Variants in POU4F3 observed in about 807,000 individuals in gnomAD.
The protein encoded by POU4F3 is POU domain, class 4, transcription factor 3.
A neutral mutation model predicts 22.0 loss-of-function variants in POU4F3; 7 were observed. The ratio of observed to expected loss-of-function variants is 0.32; its 90% CI spans 0.18 to 0.60. The LOEUF is 0.60. Ranked by LOEUF, POU4F3 falls within the 20% of genes least tolerant of loss-of-function variation. POU4F3 has a pLI of 0.85. For missense variants in POU4F3, 457 were observed against 467.4 expected (o/e 0.98, Z 0.21); for synonymous variants, 220 against 194.5 (o/e 1.13, Z -1.09).
rs534623118 is a variant in POU4F3, at chr5:146,340,574, TTTC to T, written c.*131_*133del. On this transcript the variant is annotated 3_prime_UTR_variant, in exon 2 of 2. Coordinates refer to ENST00000646991, the MANE Select transcript of POU4F3 (RefSeq NM_002700.3). ...GGCTCTCTCCTCCGAAGCCACAGACTTTCCCCCTTTGTCCCGCCTGGTTGCCTC... is the reference window on the plus strand; with the variant it reads ...GGCTCTCTCCTCCGAAGCCACAGACTCCCCTTTGTCCCGCCTGGTTGCCTC... 1.9e-3 allele frequency: 2,376 copies of T among 1,251,076 alleles called. 4 individuals carry two copies. The highest frequency in any genetic ancestry group is 2.5e-3 in the Non-Finnish European group (2,230 of 886,582). The allele number at this position is 1,251,076 out of a possible 1,614,324, so 77.5% of individuals were successfully genotyped here. A position where few individuals can be genotyped will look rare whatever the true frequency, so the allele number is the denominator to read the frequency against.
rs556832050 is a variant in POU4F3, at chr5:146,339,632, G to C, written c.205G>C (p.Gly69Arg). The part of the protein sequence containing the change: ...ALAAVDIVSH[G>R]KNHPFKPDAT... ...GGCGGCGGTGGATATCGTCTCCCAC[G>C]GCAAGAACCATCCGTTCAAGCCCGA... The change falls in exon 2 of 2, where the codon GGC becomes CGC. Residue 69 changes from glycine to arginine, a missense_variant. By Grantham distance (125) the Gly-to-Arg change is moderately radical (BLOSUM62 -2). Around this residue, in one of 2 missense-constraint regions of POU4F3, gnomAD observed 410 missense variants for 385.0 expected, o/e 1.06. Transcript: ENST00000646991. This position sits in a 1 kb window ranked among gnomAD's most constrained non-coding sequence, Gnocchi z 4.7. 1 of 1,614,026 alleles carries C rather than the reference G, an allele frequency of 6.2e-7. No homozygotes were observed. The highest frequency in any genetic ancestry group is 2.2e-5 in the East Asian group (1 of 44,880).
At position 146,339,939 on chromosome 5, in the gene POU4F3, G is replaced by T; in HGVS notation, c.512G>T (p.Ser171Ile). The change falls in exon 2 of 2, where the codon AGC becomes ATC. Residue 171 changes from serine to isoleucine, a missense_variant. Around this residue, in one of 2 missense-constraint regions of POU4F3, gnomAD observed 410 missense variants for 385.0 expected, o/e 1.06. Transcript: ENST00000646991. The surrounding 1 kb of genome is among the most constrained non-coding windows in gnomAD (Gnocchi z 4.7). The part of the protein sequence containing the change: ...MSHPHTVAPH[S>I]AMPACLSDVE... Reference sequence around the variant, plus strand: ...CACCCGCACACCGTGGCCCCTCATAGCGCCATGCCTGCATGCCTCAGCGAC... The same window carrying T: ...CACCCGCACACCGTGGCCCCTCATATCGCCATGCCTGCATGCCTCAGCGAC... The T allele has an allele frequency of 6.2e-7, 1 of 1,610,838 alleles. No homozygotes were observed.
chr5:146,339,090 G>C lies in POU4F3; in HGVS notation c.-23G>C. 3 of 1,613,674 alleles carry C rather than the reference G, an allele frequency of 1.9e-6. No homozygotes were observed. The highest frequency in any genetic ancestry group is 2.5e-6 in the Non-Finnish European group (3 of 1,179,822). On this transcript the variant is annotated 5_prime_UTR_variant, in exon 1 of 2. Transcript: ENST00000646991. This position sits in a 1 kb window ranked among gnomAD's most constrained non-coding sequence, Gnocchi z 4.7. The stretch of plus-strand genomic sequence containing the variant: ...CAAGCCTGATTCCATGTCACCCGCT[G>C]CCACCCTGCCAGGAGCGCGAAGATG...
chr5:146,339,245 G>A lies in POU4F3; in HGVS notation c.120+13G>A, dbSNP rs1204976491. 2 of 1,614,198 alleles carry A rather than the reference G, an allele frequency of 1.2e-6. No individual in the cohort carries two copies. Among genetic ancestry groups the A allele is most frequent in the African/African-American group, 1.3e-5 (1 of 75,068 alleles). ...CCCAGCCCCGCAGGTACGTAGTGGA[G>A]CATAATTACCGCTCTAAGGCACATT... On this transcript the variant is annotated intron_variant, in intron 1 of 1. Coordinates refer to ENST00000646991, the MANE Select transcript of POU4F3 (RefSeq NM_002700.3). This position sits in a 1 kb window ranked among gnomAD's most constrained non-coding sequence, Gnocchi z 4.7.
chr5:146,340,353 A>G lies in POU4F3; in HGVS notation c.926A>G (p.Glu309Gly). The G allele has an allele frequency of 6.2e-7, 1 of 1,614,256 alleles. No homozygotes were observed. Among genetic ancestry groups the G allele is most frequent in the Non-Finnish European group, 8.5e-7 (1 of 1,180,046 alleles). Residue 309 changes from glutamate (E) to glycine (G), a missense_variant, in exon 2 of 2, where the codon GAG (glutamate) becomes GGG (glycine). Coordinates refer to ENST00000646991, the MANE Select transcript of POU4F3 (RefSeq NM_002700.3). The part of the protein sequence containing the change: ...PSSEKIAAIA[E>G]KLDLKKNVVR... ...TCTGAGAAGATCGCGGCCATCGCTG[A>G]GAAACTGGACCTTAAAAAGAACGTG...
rs1274596728 is a variant in POU4F3, at chr5:146,341,678, T to A, written c.*1234T>A. ...ATAAAATATTAAGTTTTCTTTTCCC[T>A]TTACCCCTTGAATTAACTTCTAAAA... On this transcript the variant is annotated 3_prime_UTR_variant, in exon 2 of 2. Transcript: ENST00000646991. The A allele has an allele frequency of 6.6e-6, 1 of 152,246 alleles. No individual in the cohort carries two copies. The highest frequency in any genetic ancestry group is 1.5e-5 in the Non-Finnish European group (1 of 68,034). 9.4% of individuals were successfully genotyped at this position (152,246 alleles called of 1,614,324 possible).
rs776503285 is a variant in POU4F3, at chr5:146,339,692, A to T, written c.265A>T (p.Thr89Ser). Residue 89 changes from threonine (T) to serine (S), a missense_variant, in exon 2 of 2, where the codon ACG becomes TCG. Physicochemically the swap from Thr to Ser is moderately conservative, Grantham distance 58 (BLOSUM62 1). This residue lies in a region of POU4F3 where 410 missense variants were observed against 385.0 expected (regional missense o/e 1.06). Transcript: ENST00000646991. This position sits in a 1 kb window ranked among gnomAD's most constrained non-coding sequence, Gnocchi z 4.7. ...CCATACCATGAGCAGCGTGCCCTGC[A>T]CGTCCACTTCGTCCACCGTGCCCAT... ...TYHTMSSVPC[T>S]STSSTVPISH... 6.2e-7 allele frequency: 1 copy of T among 1,614,172 alleles called. No homozygotes were observed. Among genetic ancestry groups the T allele is most frequent in the South Asian group, 1.1e-5 (1 of 91,078 alleles).
rs1210471385 is a variant in POU4F3, at chr5:146,340,660, T to C, written c.*216T>C. On this transcript the variant is annotated 3_prime_UTR_variant, in exon 2 of 2. Transcript: ENST00000646991. The stretch of plus-strand genomic sequence containing the variant: ...CAAAAAAATTTTGGCGCTGGGAAAA[T>C]ATTGCAGAAGGGCGGGCCTGAGTGT... The C allele has an allele frequency of 4.6e-6, 3 of 649,630 alleles. No individual in the cohort carries two copies. The highest frequency in any genetic ancestry group is 1.8e-5 in the African/African-American group (1 of 54,942). 40.2% of individuals were successfully genotyped at this position (649,630 alleles called of 1,614,324 possible). A position where few individuals can be genotyped will look rare whatever the true frequency, so the allele number is the denominator to read the frequency against.
rs1490367253 is a variant in POU4F3, at chr5:146,340,045, G to A, written c.618G>A (p.Ala206=). The change falls in exon 2 of 2, where the codon GCG becomes GCA. Residue 206 remains alanine (A), a synonymous_variant. Coordinates refer to ENST00000646991, the MANE Select transcript of POU4F3 (RefSeq NM_002700.3). ...QRRIKLGVTQ[A]DVGAALANLK... ...GCATCAAGCTGGGGGTGACCCAGGC[G>A]GACGTGGGCGCGGCTCTGGCTAATC... 1.2e-6 allele frequency: 2 copies of A among 1,614,118 alleles called. No individual in the cohort carries two copies. Among genetic ancestry groups the A allele is most frequent in the Admixed American group, 1.7e-5 (1 of 60,024 alleles).
In POU4F3 at chr5:146,340,701, G is replaced by A. The variant is rs1581279259; in HGVS notation, c.*257G>A. 3 of 549,270 alleles carry A rather than the reference G, an allele frequency of 5.5e-6. No individual in the cohort carries two copies. In the East Asian group the frequency reaches 9.7e-5, roughly 18 times the overall value. 34.0% of individuals were successfully genotyped at this position (549,270 alleles called of 1,614,324 possible). A position where few individuals can be genotyped will look rare whatever the true frequency, so the allele number is the denominator to read the frequency against. ...GCCTGAGTGTACTTGTGCTGTCCGT[G>A]GTGCTGAAATTTGCCCTCGCGCAGG... On this transcript the variant is annotated 3_prime_UTR_variant, in exon 2 of 2. Transcript: ENST00000646991.
rs1760419756 is a variant in POU4F3, at chr5:146,339,623, G to A, written c.196G>A (p.Val66Ile). 1 of 1,614,076 alleles carries A rather than the reference G, an allele frequency of 6.2e-7. No homozygotes were observed. The highest frequency in any genetic ancestry group is 8.5e-7 in the Non-Finnish European group (1 of 1,180,046). Residue 66 changes from valine (V) to isoleucine (I), a missense_variant, in exon 2 of 2, where the codon GTC (valine) becomes ATC (isoleucine). This residue lies in a region of POU4F3 where 410 missense variants were observed against 385.0 expected (regional missense o/e 1.06). Coordinates refer to ENST00000646991, the MANE Select transcript of POU4F3 (RefSeq NM_002700.3). This position sits in a 1 kb window ranked among gnomAD's most constrained non-coding sequence, Gnocchi z 4.7. ...RAEALAAVDI[V>I]SHGKNHPFKP... ...CGAAGCTCTGGCGGCGGTGGATATCGTCTCCCACGGCAAGAACCATCCGTT... is the reference window on the plus strand; with the variant it reads ...CGAAGCTCTGGCGGCGGTGGATATCATCTCCCACGGCAAGAACCATCCGTT...
chr5:146,339,561 T>C lies in POU4F3; in HGVS notation c.134T>C (p.Ile45Thr). The C allele has an allele frequency of 6.2e-7, 1 of 1,614,174 alleles. No homozygotes were observed. Among genetic ancestry groups the C allele is most frequent in the Non-Finnish European group, 8.5e-7 (1 of 1,180,028 alleles). Residue 45 changes from isoleucine to threonine, a missense_variant, in exon 2 of 2, where the codon ATA becomes ACA. Physicochemically the swap from Ile to Thr is moderately conservative, Grantham distance 89. Transcript: ENST00000646991. The surrounding 1 kb of genome is among the most constrained non-coding windows in gnomAD (Gnocchi z 4.7). ...CLPAPQLQGNIFGSFDESLLA... is the reference protein window; with the variant it reads ...CLPAPQLQGNTFGSFDESLLA... Reference sequence around the variant, plus strand: ...TCTCGCTTGCAGCTGCAGGGTAATATATTTGGAAGCTTTGATGAGAGCCTG... The same window carrying C: ...TCTCGCTTGCAGCTGCAGGGTAATACATTTGGAAGCTTTGATGAGAGCCTG...
At position 146,339,018 on chromosome 5, in the gene POU4F3, C is replaced by T. The variant is rs977247689; in HGVS notation, c.-95C>T. On this transcript the variant is annotated 5_prime_UTR_variant, in exon 1 of 2. Coordinates refer to ENST00000646991, the MANE Select transcript of POU4F3 (RefSeq NM_002700.3). The surrounding 1 kb of genome is among the most constrained non-coding windows in gnomAD (Gnocchi z 4.7). ...GCAGCGAGCGAGAGGGCGAGGGGAGCGCGGGCGCTGAGCAGCGCTCACTTG... is the reference window on the plus strand; with the variant it reads ...GCAGCGAGCGAGAGGGCGAGGGGAGTGCGGGCGCTGAGCAGCGCTCACTTG... 18 of 1,554,442 alleles carry T rather than the reference C, an allele frequency of 1.2e-5. No homozygotes were observed. Among genetic ancestry groups the T allele is most frequent in the Non-Finnish European group, 1.6e-5 (18 of 1,143,572 alleles).
rs771368522 is a variant in POU4F3 at position 146,339,186 on chromosome 5, A to C, written c.74A>C (p.His25Pro). ...VLQEPKFSSL[H>P]SGSEAMRRVC... ...CAAGAACCCAAATTCTCCAGTCTGC[A>C]CTCTGGCTCCGAGGCCATGCGCCGA... The change falls in exon 1 of 2, where the codon CAC (histidine) becomes CCC (proline). Residue 25 changes from histidine to proline, a missense_variant. His to Pro is a moderately conservative substitution (Grantham distance 77, BLOSUM62 -2). Coordinates refer to ENST00000646991, the MANE Select transcript of POU4F3 (RefSeq NM_002700.3). The surrounding 1 kb of genome is among the most constrained non-coding windows in gnomAD (Gnocchi z 4.7). 3 of 1,614,104 alleles carry C rather than the reference A, an allele frequency of 1.9e-6. No individual in the cohort carries two copies. The highest frequency in any genetic ancestry group is 2.2e-5 in the South Asian group (2 of 91,076).
chr5:146,339,550 G>T lies in POU4F3; in HGVS notation c.123G>T (p.Leu41=). ...MRRVCLPAPQ[L]QGNIFGSFDE... ...GCTGTGCGCCTTCTCGCTTGCAGCT[G>T]CAGGGTAATATATTTGGAAGCTTTG... Residue 41 remains leucine (L), a splice_region_variant and synonymous_variant, in exon 2 of 2, where the codon CTG becomes CTT. Coordinates refer to ENST00000646991, the MANE Select transcript of POU4F3 (RefSeq NM_002700.3). The surrounding 1 kb of genome is among the most constrained non-coding windows in gnomAD (Gnocchi z 4.7). 4 of 1,614,178 alleles carry T rather than the reference G, an allele frequency of 2.5e-6. No individual in the cohort carries two copies. The highest frequency in any genetic ancestry group is 3.4e-6 in the Non-Finnish European group (4 of 1,180,044).
In POU4F3 at chr5:146,339,193, C is replaced by G. The variant is rs779266926; in HGVS notation, c.81C>G (p.Gly27=). The part of the protein sequence containing the change: ...QEPKFSSLHS[G]SEAMRRVCLP... Reference sequence around the variant, plus strand: ...CCAAATTCTCCAGTCTGCACTCTGGCTCCGAGGCCATGCGCCGAGTCTGTC... The same window carrying G: ...CCAAATTCTCCAGTCTGCACTCTGGGTCCGAGGCCATGCGCCGAGTCTGTC... Residue 27 remains glycine, a synonymous_variant, in exon 1 of 2, where the codon GGC becomes GGG. Coordinates refer to ENST00000646991, the MANE Select transcript of POU4F3 (RefSeq NM_002700.3). This position sits in a 1 kb window ranked among gnomAD's most constrained non-coding sequence, Gnocchi z 4.7. 2.5e-6 allele frequency: 4 copies of G among 1,614,250 alleles called. No homozygotes were observed. The Admixed American group carries it at 6.7e-5, about 27-fold the overall frequency.
chr5:146,339,836 C>G lies in POU4F3; in HGVS notation c.409C>G (p.His137Asp), dbSNP rs1427227090. 2.5e-6 allele frequency: 4 copies of G among 1,608,812 alleles called. No homozygotes were observed. In the African/African-American group the frequency reaches 4.0e-5, roughly 16 times the overall value. Residue 137 changes from histidine to aspartate, a missense_variant, in exon 2 of 2, where the codon CAC (histidine) becomes GAC (aspartate). Physicochemically the swap from His to Asp is moderately conservative, Grantham distance 81. Coordinates refer to ENST00000646991, the MANE Select transcript of POU4F3 (RefSeq NM_002700.3). This position sits in a 1 kb window ranked among gnomAD's most constrained non-coding sequence, Gnocchi z 4.7. ...TGTGAGCGGCCTGGGCGCTCCGGAA[C>G]ACTCGGTGATGCCCGCACAGATCCA... Reference protein sequence around the residue: ...LSVSGLGAPEHSVMPAQIHPH... With the variant: ...LSVSGLGAPEDSVMPAQIHPH...
Position 146,340,901 on chromosome 5 carries a change from C to T in POU4F3, c.*457C>T. On this transcript the variant is annotated 3_prime_UTR_variant, in exon 2 of 2. Transcript: ENST00000646991. Reference sequence around the variant, plus strand: ...CTAGGATATCTAAGGGGGACACAAACATGCACTGGAGATTTATTAGAGTAT... The same window carrying T: ...CTAGGATATCTAAGGGGGACACAAATATGCACTGGAGATTTATTAGAGTAT... 1 of 250,050 alleles carries T rather than the reference C, an allele frequency of 4.0e-6. No individual in the cohort carries two copies. Among genetic ancestry groups the T allele is most frequent in the Non-Finnish European group, 7.9e-6 (1 of 127,322 alleles). 15.5% of individuals were successfully genotyped at this position (250,050 alleles called of 1,614,324 possible).
Position 146,339,860 on chromosome 5 carries a change from C to G in POU4F3, c.433C>G (p.His145Asp). ...ACACTCGGTGATGCCCGCACAGATC[C>G]ATCCACACCACCTGGGCGCCATGGG... ...PEHSVMPAQI[H>D]PHHLGAMGHL... The change falls in exon 2 of 2, where the codon CAT becomes GAT. Residue 145 changes from histidine to aspartate, a missense_variant. By Grantham distance (81) the His-to-Asp change is moderately conservative. Transcript: ENST00000646991. The surrounding 1 kb of genome is among the most constrained non-coding windows in gnomAD (Gnocchi z 4.7). 6.2e-7 allele frequency: 1 copy of G among 1,608,420 alleles called. No homozygotes were observed. Among genetic ancestry groups the G allele is most frequent in the South Asian group, 1.1e-5 (1 of 91,088 alleles).
Sources: gnomAD v4.1 joint callset for allele counts on GRCh38, gnomAD v4.1.1 for gene constraint, gnomAD v4.1.1 regional missense constraint, Gnocchi (gnomAD v3.1) non-coding constraint, MANE v1.5 for transcripts, NCBI Gene and HGNC (gene_info 2026-07-23, HGNC 2026-07-21) for gene names.